Variants in HCAR1 observed in about 807,000 individuals in gnomAD.
HCAR1 encodes the protein G protein-coupled receptor 104.
For missense variants in HCAR1, 445 were observed against 448.7 expected, an observed-to-expected ratio of 0.99 and a Z score of 0.07; for synonymous variants, 183 against 182.1, an observed-to-expected ratio of 1.01 and a Z score of -0.04.
chr12:122,727,832 T>G lies in HCAR1; in HGVS notation c.*1467A>C, dbSNP rs1032066584. On this transcript the variant is annotated 3_prime_UTR_variant, in exon 1 of 1. Transcript: ENST00000432564. The stretch of plus-strand genomic sequence containing the variant: ...ATTTGAGAGAGTATAAATTAAGGAG[T>G]TGAGAACCATGTTCACCACTTTGTA... The G allele has an allele frequency of 6.6e-6, 1 of 152,022 alleles. No homozygotes were observed. Among genetic ancestry groups the G allele is most frequent in the Non-Finnish European group, 1.5e-5 (1 of 68,012 alleles). 9.4% of individuals were successfully genotyped at this position (152,022 alleles called of 1,614,324 possible). A position where few individuals can be genotyped will look rare whatever the true frequency, so the allele number is the denominator to read the frequency against.
In HCAR1 at chr12:122,730,762, G is replaced by C. The variant is rs1180388992; in HGVS notation, c.-423C>G. The stretch of plus-strand genomic sequence containing the variant: ...GCTTCGCTGTTCCTCCTCGGACTCC[G>C]TGCTGGAGAGCACACAAAGCTGCCC... On this transcript the variant is annotated 5_prime_UTR_variant, in exon 1 of 1. Coordinates refer to ENST00000432564, the MANE Select transcript of HCAR1 (RefSeq NM_032554.4). 2 of 159,010 alleles carry C rather than the reference G, an allele frequency of 1.3e-5. No homozygotes were observed. The highest frequency in any genetic ancestry group is 2.7e-5 in the Non-Finnish European group (2 of 72,882). The allele number at this position is 159,010 out of a possible 1,614,324, so 9.8% of individuals were successfully genotyped here. A position where few individuals can be genotyped will look rare whatever the true frequency, so the allele number is the denominator to read the frequency against.
rs1461281274 is a variant in HCAR1 at position 122,726,756 on chromosome 12, C to T, written c.*2543G>A. 6.6e-6 allele frequency: 1 copy of T among 151,672 alleles called. No individual in the cohort carries two copies. Among genetic ancestry groups the T allele is most frequent in the Admixed American group, 6.6e-5 (1 of 15,162 alleles). 9.4% of individuals were successfully genotyped at this position (151,672 alleles called of 1,614,324 possible). Reference sequence around the variant, plus strand: ...TGAAACCCCGTCTGTACTAAAAATACAAAAAATTAGCCGGGCGTGGTGGTG... The same window carrying T: ...TGAAACCCCGTCTGTACTAAAAATATAAAAAATTAGCCGGGCGTGGTGGTG... On this transcript the variant is annotated 3_prime_UTR_variant, in exon 1 of 1. Transcript: ENST00000432564.
chr12:122,729,574 C>A lies in HCAR1; in HGVS notation c.766G>T (p.Val256Phe), dbSNP rs536097747. The A allele has an allele frequency of 1.2e-6, 2 of 1,614,082 alleles. No homozygotes were observed. Among genetic ancestry groups the A allele is most frequent in the Admixed American group, 1.7e-5 (1 of 59,986 alleles). Residue 256 changes from valine to phenylalanine, a missense_variant, in exon 1 of 1, where the codon GTC (valine) becomes TTC (phenylalanine). Val to Phe is a conservative substitution (Grantham distance 50). Coordinates refer to ENST00000432564, the MANE Select transcript of HCAR1 (RefSeq NM_032554.4). ...TVPSSACDPS[V>F]HGALHITLSF... ...AGGGTTATGTGCAGGGCCCCATGGA[C>A]AGAGGGATCGCAGGCACTCGAGGGC...
chr12:122,729,154 G>T lies in HCAR1; in HGVS notation c.*145C>A. The T allele has an allele frequency of 2.8e-6, 2 of 712,988 alleles. No homozygotes were observed. The highest frequency in any genetic ancestry group is 2.3e-6 in the Non-Finnish European group (1 of 430,510). The allele number at this position is 712,988 out of a possible 1,614,324, so 44.2% of individuals were successfully genotyped here. On this transcript the variant is annotated 3_prime_UTR_variant, in exon 1 of 1. Coordinates refer to ENST00000432564, the MANE Select transcript of HCAR1 (RefSeq NM_032554.4). The stretch of plus-strand genomic sequence containing the variant: ...GTATAGTTGTGTGAATTTCATTTCC[G>T]ACAGAATGAGAAGGATGCAGTTCAT...
In HCAR1 at chr12:122,729,235, C is replaced by T. The variant is rs768295236; in HGVS notation, c.*64G>A. 4.5e-4 allele frequency: 680 copies of T among 1,496,726 alleles called. 9 individuals carry two copies. The highest frequency in any genetic ancestry group is 1.5e-4 in the South Asian group (12 of 80,068). 92.7% of individuals were successfully genotyped at this position (1,496,726 alleles called of 1,614,324 possible). On this transcript the variant is annotated 3_prime_UTR_variant, in exon 1 of 1. Coordinates refer to ENST00000432564, the MANE Select transcript of HCAR1 (RefSeq NM_032554.4). ...GGGGTGGCATTTTCAAAGCCCCCGA[C>T]CCCTTAGCACGAGTTAATTCTAAGT...
Position 122,729,979 on chromosome 12 carries a change from G to C in HCAR1, c.361C>G (p.His121Asp). The C allele has an allele frequency of 6.2e-7, 1 of 1,613,978 alleles. No homozygotes were observed. The highest frequency in any genetic ancestry group is 8.5e-7 in the Non-Finnish European group (1 of 1,180,012). The stretch of plus-strand genomic sequence containing the variant: ...GTGGAGATAGTGTTCACCGCGTGGT[G>C]GGGGTGGACCACTTTGAAATACCTG... ...ADRYFKVVHP[H>D]HAVNTISTRV... Residue 121 changes from histidine to aspartate, a missense_variant, in exon 1 of 1, where the codon CAC becomes GAC. Coordinates refer to ENST00000432564, the MANE Select transcript of HCAR1 (RefSeq NM_032554.4).
In HCAR1 at chr12:122,728,947, A is replaced by G; in HGVS notation, c.*352T>C. On this transcript the variant is annotated 3_prime_UTR_variant, in exon 1 of 1. Transcript: ENST00000432564. The stretch of plus-strand genomic sequence containing the variant: ...GTGCCACTGCACTCCAGCCTGGGAC[A>G]CAGAGTGAGACTCTGTCTCAAAACA... 4.1e-6 allele frequency: 1 copy of G among 243,354 alleles called. No homozygotes were observed. Among genetic ancestry groups the G allele is most frequent in the South Asian group, 5.3e-5 (1 of 18,824 alleles). 15.1% of individuals were successfully genotyped at this position (243,354 alleles called of 1,614,324 possible).
Position 122,729,793 on chromosome 12 carries a change from G to T in HCAR1, c.547C>A (p.Leu183Met). ...ATGCCGAGGGGCATAAAGAACTCCA[G>T]CTGGAACATGATGTCATGCCAGCCA... ...ANGWHDIMFQ[L>M]EFFMPLGIIL... Residue 183 changes from leucine to methionine, a missense_variant, in exon 1 of 1, where the codon CTG becomes ATG. Transcript: ENST00000432564. 3 of 1,610,394 alleles carry T rather than the reference G, an allele frequency of 1.9e-6. No homozygotes were observed. Among genetic ancestry groups the T allele is most frequent in the South Asian group, 1.1e-5 (1 of 91,078 alleles).
rs779678460 is a variant in HCAR1 at position 122,730,191 on chromosome 12, C to A, written c.149G>T (p.Ser50Ile). The A allele has an allele frequency of 7.4e-6, 12 of 1,614,092 alleles. No homozygotes were observed. The East Asian group carries it at 2.7e-4, about 36-fold the overall frequency. Residue 50 changes from serine (S) to isoleucine (I), a missense_variant, in exon 1 of 1, where the codon AGC (serine) becomes ATC (isoleucine). Transcript: ENST00000432564. ...GGCCAAATTGAAAAGGTAAACAGTG[C>A]TGGGCTTCCAGGTCTTCATGTGGAA... ...FCFHMKTWKP[S>I]TVYLFNLAVA...
rs775205075 is a variant in HCAR1, at chr12:122,730,008, G to A, written c.332C>T (p.Ala111Val). 28 of 1,613,840 alleles carry A rather than the reference G, an allele frequency of 1.7e-5. No homozygotes were observed. The highest frequency in any genetic ancestry group is 1.6e-4 in the Middle Eastern group (1 of 6,084). Residue 111 changes from alanine (A) to valine (V), a missense_variant, in exon 1 of 1, where the codon GCG becomes GTG. Ala to Val is a moderately conservative substitution (Grantham distance 64). Coordinates refer to ENST00000432564, the MANE Select transcript of HCAR1 (RefSeq NM_032554.4). ...GSIVFLTVVA[A>V]DRYFKVVHPH... ...GTGGACCACTTTGAAATACCTGTCC[G>A]CAGCCACCACCGTAAGGAACACGAT...
rs1437058324 is a variant in HCAR1 at position 122,730,189 on chromosome 12, T to C, written c.151A>G (p.Thr51Ala). Residue 51 changes from threonine (T) to alanine (A), a missense_variant, in exon 1 of 1, where the codon ACT (threonine) becomes GCT (alanine). By Grantham distance (58) the Thr-to-Ala change is moderately conservative (BLOSUM62 0). Transcript: ENST00000432564. ...ACGGCCAAATTGAAAAGGTAAACAG[T>C]GCTGGGCTTCCAGGTCTTCATGTGG... is the stretch of plus-strand genomic sequence containing the variant. Reference protein sequence around the residue: ...CFHMKTWKPSTVYLFNLAVAD... With the variant: ...CFHMKTWKPSAVYLFNLAVAD... 2.5e-6 allele frequency: 4 copies of C among 1,613,994 alleles called. No homozygotes were observed. Among genetic ancestry groups the C allele is most frequent in the African/African-American group, 1.3e-5 (1 of 74,892 alleles).
In HCAR1 at chr12:122,727,212, G is replaced by A. The variant is rs1378200161; in HGVS notation, c.*2087C>T. ...GAGGAACACTTGAGCCCAGGAGTTTGAGGCTGCAGTGAGCTATGATCATGC... is the reference window on the plus strand; with the variant it reads ...GAGGAACACTTGAGCCCAGGAGTTTAAGGCTGCAGTGAGCTATGATCATGC... On this transcript the variant is annotated 3_prime_UTR_variant, in exon 1 of 1. Coordinates refer to ENST00000432564, the MANE Select transcript of HCAR1 (RefSeq NM_032554.4). 1 of 150,260 alleles carries A rather than the reference G, an allele frequency of 6.7e-6. No homozygotes were observed. The highest frequency in any genetic ancestry group is 1.9e-4 in the East Asian group (1 of 5,180). 9.3% of individuals were successfully genotyped at this position (150,260 alleles called of 1,614,324 possible). A position where few individuals can be genotyped will look rare whatever the true frequency, so the allele number is the denominator to read the frequency against.
At position 122,729,844 on chromosome 12, in the gene HCAR1, C is replaced by T. The variant is rs746751268; in HGVS notation, c.496G>A (p.Glu166Lys). The T allele has an allele frequency of 1.2e-6, 2 of 1,610,678 alleles. No homozygotes were observed. The highest frequency in any genetic ancestry group is 1.3e-5 in the African/African-American group (1 of 75,000). The change falls in exon 1 of 1, where the codon GAG (glutamate) becomes AAG (lysine). Residue 166 changes from glutamate (E) to lysine (K), a missense_variant. Glu to Lys is a moderately conservative substitution (Grantham distance 56). Coordinates refer to ENST00000432564, the MANE Select transcript of HCAR1 (RefSeq NM_032554.4). ...TTGGCCGACTCCATGATGAAGCTCT[C>T]ACAGGAGACGGCCGTCTCTTGCACG... ...LCVQETAVSC[E>K]SFIMESANGW... is the part of the protein sequence containing the mutation.
chr12:122,728,370 T>C lies in HCAR1; in HGVS notation c.*929A>G, dbSNP rs983754565. 5 of 152,232 alleles carry C rather than the reference T, an allele frequency of 3.3e-5. No homozygotes were observed. Among genetic ancestry groups the C allele is most frequent in the African/African-American group, 1.2e-4 (5 of 41,448 alleles). The allele number at this position is 152,232 out of a possible 1,614,324, so 9.4% of individuals were successfully genotyped here. A position where few individuals can be genotyped will look rare whatever the true frequency, so the allele number is the denominator to read the frequency against. On this transcript the variant is annotated 3_prime_UTR_variant, in exon 1 of 1. Transcript: ENST00000432564. ...AAGGTCAGAGCAGATTGTTTTGTTG[T>C]TGTTCTTCTTGGGCTACCAGGAAGT...
At position 122,730,242 on chromosome 12, in the gene HCAR1, TTGCCTA is replaced by T. The variant is rs1877912186; in HGVS notation, c.92_97del (p.Leu31_Asn33delinsHis). ...GCAGAAACCACACAGGGCGACCCCA[TTGCCTA>T]GTGCGCCCAGCACAAAGGCCACAAT... On this transcript the variant is annotated inframe_deletion, in exon 1 of 1. Coordinates refer to ENST00000432564, the MANE Select transcript of HCAR1 (RefSeq NM_032554.4). 1 of 1,614,006 alleles carries T rather than the reference TTGCCTA, an allele frequency of 6.2e-7. No individual in the cohort carries two copies. The highest frequency in any genetic ancestry group is 1.3e-5 in the African/African-American group (1 of 75,056).
rs972486361 is a variant in HCAR1 at position 122,726,582 on chromosome 12, C to T, written c.*2717G>A. 2 of 152,144 alleles carry T rather than the reference C, an allele frequency of 1.3e-5. No individual in the cohort carries two copies. The highest frequency in any genetic ancestry group is 4.8e-5 in the African/African-American group (2 of 41,444). 9.4% of individuals were successfully genotyped at this position (152,144 alleles called of 1,614,324 possible). A position where few individuals can be genotyped will look rare whatever the true frequency, so the allele number is the denominator to read the frequency against. On this transcript the variant is annotated 3_prime_UTR_variant, in exon 1 of 1. Coordinates refer to ENST00000432564, the MANE Select transcript of HCAR1 (RefSeq NM_032554.4). ...GTTGTATTACAGTATCCCTGTTTGA[C>T]AGACGAGGAAAATGAAGCTACAAAT...
At position 122,729,360 on chromosome 12, in the gene HCAR1, G is replaced by C. The variant is rs376788646; in HGVS notation, c.980C>G (p.Ala327Gly). ...ATCAGACTGGCTTTGGAAACTATTT[G>C]CCACACTGATGCAACTCCTGCGACC... is the stretch of plus-strand genomic sequence containing the variant. Reference protein sequence around the residue: ...NLGRRSCISVANSFQSQSDGQ... With the variant: ...NLGRRSCISVGNSFQSQSDGQ... The change falls in exon 1 of 1, where the codon GCA becomes GGA. Residue 327 changes from alanine (A) to glycine (G), a missense_variant. Ala to Gly is a moderately conservative substitution (Grantham distance 60, BLOSUM62 0). Transcript: ENST00000432564. The C allele has an allele frequency of 3.1e-6, 5 of 1,614,122 alleles. No individual in the cohort carries two copies. Among genetic ancestry groups the C allele is most frequent in the Non-Finnish European group, 4.2e-6 (5 of 1,180,036 alleles).
Position 122,729,878 on chromosome 12 carries a change from G to T in HCAR1, c.462C>A (p.Asn154Lys), listed in dbSNP as rs1877894191. Residue 154 changes from asparagine (N) to lysine (K), a missense_variant, in exon 1 of 1, where the codon AAC (asparagine) becomes AAA (lysine). Transcript: ENST00000432564. ...CGGCCGTCTCTTGCACGCAGAGATGGTTCTCCAGCAAAAGATACACTGTTC... is the reference window on the plus strand; with the variant it reads ...CGGCCGTCTCTTGCACGCAGAGATGTTTCTCCAGCAAAAGATACACTGTTC... ...ILGTVYLLLE[N>K]HLCVQETAVS... 6.2e-7 allele frequency: 1 copy of T among 1,611,494 alleles called. No homozygotes were observed. Among genetic ancestry groups the T allele is most frequent in the South Asian group, 1.1e-5 (1 of 91,066 alleles).
Position 122,728,154 on chromosome 12 carries a change from A to G in HCAR1, c.*1145T>C, listed in dbSNP as rs1877839871. On this transcript the variant is annotated 3_prime_UTR_variant, in exon 1 of 1. Transcript: ENST00000432564. ...CCCTCCACTAAAAATTACACAGTAT[A>G]CTGCCTGCCACCAAATACGAATTCA... 1 of 152,210 alleles carries G rather than the reference A, an allele frequency of 6.6e-6. No homozygotes were observed. The highest frequency in any genetic ancestry group is 1.5e-5 in the Non-Finnish European group (1 of 68,050). The allele number at this position is 152,210 out of a possible 1,614,324, so 9.4% of individuals were successfully genotyped here.
Sources: gnomAD v4.1 joint callset for allele counts on GRCh38, gnomAD v4.1.1 for gene constraint, MANE v1.5 for transcripts, NCBI Gene and HGNC (gene_info 2026-07-23, HGNC 2026-07-21) for gene names.